Variants in DNMBP observed in about 807,000 individuals in gnomAD.
DNMBP encodes the protein dynamin binding protein.
Under a neutral mutation model 150.0 loss-of-function variants are expected in DNMBP, and 87 were observed. That is an observed-to-expected ratio of 0.58 (90% CI 0.49 to 0.69). The LOEUF (loss-of-function observed/expected upper bound fraction) is 0.69, where lower values mean the gene tolerates loss of function less well. Ranked by LOEUF, DNMBP falls within the 30% of genes least tolerant of loss-of-function variation. DNMBP has a pLI of 0.00. For missense variants in DNMBP, 1,774 were observed against 1,949.0 expected, an observed-to-expected ratio of 0.91 and a Z score of 1.69; for synonymous variants, 711 against 750.4, an observed-to-expected ratio of 0.95 and a Z score of 0.86.
chr10:99,972,158 T>C (rs1248470458), intron 1 of DNMBP, 24 bp from the exon 2 acceptor site: 15 of 1,590,322 alleles, frequency 9.4e-6, no homozygotes, highest in South Asian at 3.4e-5. Flanking sequence ...TCAAGAGAAA[T>C]AGAAAACATC....
At chr10:99,903,122 GTA>G (rs372646928) in intron 6 of DNMBP, among the ~76,000 whole-genome samples, 30 of 57,138 alleles carry the variant, frequency 5.3e-4, no homozygotes, top group South Asian at 2.3e-3. Context: ...TTTTTTTTTT[GTA>G]GAAACGAGGT....
chr10:99,905,472 G>A (rs553420313), intron 6 of DNMBP, among the ~76,000 whole-genome samples: 1 of 152,252 alleles, frequency 6.6e-6, no homozygotes, highest in African/African-American at 2.4e-5. Context: ...GCTGCAGAGT[G>A]GGTCACACCT....
At chr10:99,917,798 TA>T (rs1241511629) in intron 4 of DNMBP, among the ~76,000 whole-genome samples, 3 of 150,814 alleles carry the variant, frequency 2.0e-5, no homozygotes, top group Non-Finnish European at 3.0e-5. Context: ...ACCCCGTCTC[TA>T]AAAAAAATAC....
intron 7 of DNMBP, among the ~76,000 whole-genome samples, chr10:99,899,520 T>TA: frequency 6.6e-6 from 1 of 152,154 alleles, no homozygotes; most frequent in Non-Finnish European, 1.5e-5. Flanking sequence ...GAGAATCGCT[T>TA]GAACCCGGGA....
chr10:99,880,791 G>A (rs556053659), intron 15 of DNMBP, among the ~76,000 whole-genome samples: 2 of 152,324 alleles, frequency 1.3e-5, no homozygotes, highest in East Asian at 3.9e-4. Flanking sequence ...AGCAAGTGTG[G>A]AAAAGACCGA....
chr10:100,000,651 C>A (rs776609523), intron 1 of DNMBP, among the ~76,000 whole-genome samples: 21 of 151,918 alleles, frequency 1.4e-4, no homozygotes, highest in Non-Finnish European at 2.8e-4. Flanking sequence ...CTTAGATGAC[C>A]CTTCTCTGGA....
At chr10:99,973,110 T>G (rs1564751079) in intron 1 of DNMBP, among the ~76,000 whole-genome samples, 1 of 151,904 alleles carries the variant, frequency 6.6e-6, no homozygotes, top group South Asian at 2.1e-4. Context: ...TATTTATTTA[T>G]TTGTAGAGAT....
chr10:99,891,911 G>T (rs1199688306), intron 11 of DNMBP, among the ~76,000 whole-genome samples: 2 of 149,646 alleles, frequency 1.3e-5, no homozygotes, highest in Non-Finnish European at 3.0e-5. Context: ...CGTCCGGGAG[G>T]GAGGTGGGGG....
intron 1 of DNMBP, among the ~76,000 whole-genome samples, chr10:99,997,555 G>A (rs1438702934): frequency 6.7e-6 from 1 of 150,116 alleles, no homozygotes; most frequent in Non-Finnish European, 1.5e-5. Context: ...CAACAGCAAA[G>A]TTATATCAGA....
intron 14 of DNMBP, among the ~76,000 whole-genome samples, chr10:99,885,153 T>C (rs1000591886): frequency 6.6e-6 from 1 of 152,166 alleles, no homozygotes; most frequent in African/African-American, 2.4e-5. Flanking sequence ...AGAATTAATA[T>C]ACCCTTAAAT....
In DNMBP at chr10:99,910,042, C is replaced by T. The variant is rs569367738; in HGVS notation, c.2261-896G>A. 1.8e-4 allele frequency among the ~76,000 whole-genome samples: 27 copies of T among 152,322 alleles called. No individual in the cohort carries two copies. In the South Asian group the frequency reaches 5.4e-3, roughly 30 times the overall value. On this transcript the variant is annotated intron_variant, in intron 4 of 16. Coordinates refer to ENST00000324109, the MANE Select transcript of DNMBP (RefSeq NM_015221.4). ...ACAGCAGTGAAACAATCAGCCTCTG[C>T]TTAGTCTATCAAATTCTTTATGATC...
Position 99,956,046 on chromosome 10 carries a change from G to C in DNMBP, c.1428C>G (p.Leu476=). The C allele has an allele frequency of 6.2e-7, 1 of 1,614,200 alleles. No homozygotes were observed. Among genetic ancestry groups the C allele is most frequent in the Non-Finnish European group, 8.5e-7 (1 of 1,180,038 alleles). The stretch of plus-strand genomic sequence containing the variant: ...AAACAGAAGAGCCCCTGTAAAGAGG[G>C]AGCACTGGCTTCTGAAGAGTTTTTA... ...SQLKTLQKPV[L]PLYRGSSVSA... is the part of the protein sequence containing the mutation. The change falls in exon 4 of 17, where the codon CTC becomes CTG. Residue 476 remains leucine (L), a synonymous_variant. Transcript: ENST00000324109.
chr10:99,976,249 G>A (rs1327970246), intron 1 of DNMBP, among the ~76,000 whole-genome samples: 6 of 152,048 alleles, frequency 3.9e-5, no homozygotes, highest in African/African-American at 1.2e-4. Context: ...TAAACTCTAC[G>A]GAGCTTACCA....
chr10:99,891,248 G>A (rs1462402157), intron 11 of DNMBP, among the ~76,000 whole-genome samples: 3 of 141,808 alleles, frequency 2.1e-5, no homozygotes, highest in Non-Finnish European at 4.5e-5. Context: ...AAGCTGGACT[G>A]TACTGCTGCC....
chr10:99,953,109 T>G (rs2040442584), intron 4 of DNMBP, among the ~76,000 whole-genome samples: 1 of 152,174 alleles, frequency 6.6e-6, no homozygotes, highest in African/African-American at 2.4e-5. Flanking sequence ...TGAATATGAA[T>G]GAAGTCTCCA....
At chr10:99,894,523 G>A (rs2039622765) in intron 11 of DNMBP, among the ~76,000 whole-genome samples, 1 of 152,182 alleles carries the variant, frequency 6.6e-6, no homozygotes, top group Admixed American at 6.5e-5. Context: ...GGGAGCTGAA[G>A]TGATCAGAAA....
At chr10:99,916,602 C>T (rs911148702) in intron 4 of DNMBP, among the ~76,000 whole-genome samples, 7 of 151,390 alleles carry the variant, frequency 4.6e-5, no homozygotes, top group Admixed American at 4.6e-4. Context: ...AAGTTAAAAT[C>T]GAGGGCAAAG....
chr10:99,887,979 C>T (rs1185812676), intron 12 of DNMBP, among the ~76,000 whole-genome samples: 1 of 152,030 alleles, frequency 6.6e-6, no homozygotes, highest in Non-Finnish European at 1.5e-5. Context: ...TGTGCGCCAC[C>T]ACACCTGGCT....
intron 6 of DNMBP, among the ~76,000 whole-genome samples, chr10:99,907,122 G>A (rs2039835944): frequency 6.6e-6 from 1 of 151,786 alleles, no homozygotes; most frequent in Admixed American, 6.6e-5. Flanking sequence ...ACCAGCCTGG[G>A]CACAGCCTGG....
Sources: gnomAD v4.1 joint callset for allele counts (sites outside exome capture counted in the v4.1 genomes callset) on GRCh38, gnomAD v4.1.1 for gene constraint, MANE v1.5 for transcripts, NCBI Gene and HGNC (gene_info 2026-07-23, HGNC 2026-07-21) for gene names.